The following COPZ2 variants were observed in gnomAD, a reference collection of about 807,000 sequenced individuals.
COPZ2 encodes the protein coatomer subunit zeta-2.
A neutral mutation model predicts 33.2 loss-of-function variants in COPZ2; 30 were observed. The ratio of observed to expected loss-of-function variants is 0.90; its 90% confidence interval spans 0.68 to 1.23. The LOEUF (loss-of-function observed/expected upper bound fraction) is 1.23, where lower values mean the gene tolerates loss of function less well. COPZ2 is among the 50% of genes most tolerant of loss of function. The pLI, the probability that COPZ2 is intolerant of heterozygous loss-of-function variation, is 0.00. For synonymous variants in COPZ2, 89 were observed against 102.6 expected, an observed-to-expected ratio of 0.87 and a Z score of 0.80; for missense variants, 263 against 262.4, an observed-to-expected ratio of 1.00 and a Z score of -0.02.
At chr17:48,035,687 G>A (rs906298280) in intron 2 of COPZ2, among the ~76,000 whole-genome samples, 9 of 151,988 alleles carry the variant, frequency 5.9e-5, no homozygotes, top group Middle Eastern at 3.4e-3. Flanking sequence ...GCCTCCCAAA[G>A]TACTGGGATT....
chr17:48,032,148 C>T lies in COPZ2; in HGVS notation c.494+8G>A. The T allele has an allele frequency of 6.2e-7, 1 of 1,611,430 alleles. No individual in the cohort carries two copies. The highest frequency in any genetic ancestry group is 8.5e-7 in the Non-Finnish European group (1 of 1,178,560). ...TGCTGTGAGTGTCCCTGACTGTCCC[C>T]TCCTCACCCGCCATCCACAATCTCG... On this transcript the variant is annotated splice_region_variant and intron_variant, in intron 6 of 8. Coordinates refer to ENST00000621465, the MANE Select transcript of COPZ2 (RefSeq NM_016429.4).
chr17:48,033,370 G>T, intron 3 of COPZ2, 68 bp from the exon 4 acceptor site: 1 of 858,346 alleles, frequency 1.2e-6, no homozygotes, highest in Non-Finnish European at 2.0e-6. Flanking sequence ...TCCTCCTCAT[G>T]TATGACTCTG....
chr17:48,029,056 T>C, intron 7 of COPZ2, 69 bp downstream of exon 7: 1 of 1,426,330 alleles, frequency 7.0e-7, no homozygotes, highest in Non-Finnish European at 9.7e-7. Context: ...ATCTAGGCCC[T>C]AGCAGCCCTA....
At chr17:48,042,121 G>A (rs1567745869), upstream of COPZ2, among the ~76,000 whole-genome samples, 1 of 151,958 alleles carries the variant, frequency 6.6e-6, no homozygotes, top group Non-Finnish European at 1.5e-5. Flanking sequence ...CACTGTTGTT[G>A]CTTTTTCTTT....
chr17:48,033,661 T>C (rs1483008092), intron 3 of COPZ2, among the ~76,000 whole-genome samples: 2 of 151,780 alleles, frequency 1.3e-5, no homozygotes, highest in Non-Finnish European at 2.9e-5. Flanking sequence ...GGTTGGGTAG[T>C]TGGGGGAACT....
intron 6 of COPZ2, chr17:48,029,434 C>T (rs1567739764): frequency 1.7e-6 from 1 of 579,966 alleles, no homozygotes; most frequent in African/African-American, 1.9e-5. Flanking sequence ...TGGATAAGAA[C>T]AGTCTGGTCT....
chr17:48,026,607 G>T lies in COPZ2; in HGVS notation c.586-132C>A, dbSNP rs1598254568. Reference sequence around the variant, plus strand: ...ACCGGTCACTAGGTGGCAGCAGCTTGTCTCCACTTGGCTTAAACGCGGCCA... The same window carrying T: ...ACCGGTCACTAGGTGGCAGCAGCTTTTCTCCACTTGGCTTAAACGCGGCCA... On this transcript the variant is annotated intron_variant, in intron 8 of 8. Transcript: ENST00000621465. 1.4e-5 allele frequency: 9 copies of T among 659,956 alleles called. No homozygotes were observed. The East Asian group carries it at 2.4e-4, about 18-fold the overall frequency. The allele number at this position is 659,956 out of a possible 1,614,324, so 40.9% of individuals were successfully genotyped here. A position where few individuals can be genotyped will look rare whatever the true frequency, so the allele number is the denominator to read the frequency against.
chr17:48,032,963 TAAG>T (rs1272089009), intron 4 of COPZ2: 1 of 596,854 alleles, frequency 1.7e-6, no homozygotes, highest in Admixed American at 2.9e-5. Flanking sequence ...TAGTTATGTT[TAAG>T]AAGGACAAAG....
chr17:48,034,031 G>T, intron 2 of COPZ2, 87 bp from the exon 3 acceptor site: 3 of 896,082 alleles, frequency 3.3e-6, no homozygotes, highest in Non-Finnish European at 5.4e-6. Context: ...AGTAGGCGCT[G>T]GGCAAGCGGG....
Position 48,033,737 on chromosome 17 carries a change from CA to C in COPZ2, c.268+125del, listed in dbSNP as rs1473689310. 5 of 731,734 alleles carry C rather than the reference CA, an allele frequency of 6.8e-6. No individual in the cohort carries two copies. In the African/African-American group the frequency reaches 8.7e-5, roughly 13 times the overall value. 45.3% of individuals were successfully genotyped at this position (731,734 alleles called of 1,614,324 possible). ...TGGAGAACAGCAGGGAAGGAGAGGA[CA>C]AAAAGCCTCTGAAGAAAGGGAAATG... On this transcript the variant is annotated intron_variant, in intron 3 of 8. Transcript: ENST00000621465.
chr17:48,033,012 G>T (rs2036917037), intron 4 of COPZ2, 199 bp downstream of exon 4: 4 of 597,060 alleles, frequency 6.7e-6, no homozygotes, highest in South Asian at 4.1e-5. Flanking sequence ...TTCATTCCTG[G>T]TTCCCAAGGA....
chr17:48,032,604 A>C, intron 5 of COPZ2, 82 bp downstream of exon 5: 1 of 1,130,802 alleles, frequency 8.8e-7, no homozygotes, highest in Non-Finnish European at 1.3e-6. Context: ...TGGGGACTTC[A>C]GGAGAAAAAC....
rs757250377 is a variant in COPZ2, at chr17:48,032,152, T to A, written c.494+4A>T. On this transcript the variant is annotated splice_donor_region_variant and intron_variant, in intron 6 of 8. Coordinates refer to ENST00000621465, the MANE Select transcript of COPZ2 (RefSeq NM_016429.4). ...GTGAGTGTCCCTGACTGTCCCCTCC[T>A]CACCCGCCATCCACAATCTCGTCCA... is the stretch of plus-strand genomic sequence containing the variant. The A allele has an allele frequency of 3.7e-6, 6 of 1,612,020 alleles. No homozygotes were observed. Among genetic ancestry groups the A allele is most frequent in the Non-Finnish European group, 5.1e-6 (6 of 1,179,040 alleles).
In COPZ2 at chr17:48,037,145, C is replaced by T; in HGVS notation, c.112-220G>A. 1.3e-6 allele frequency: 1 copy of T among 763,230 alleles called. No homozygotes were observed. Among genetic ancestry groups the T allele is most frequent in the Middle Eastern group, 2.3e-4 (1 of 4,318 alleles). 47.3% of individuals were successfully genotyped at this position (763,230 alleles called of 1,614,324 possible). On this transcript the variant is annotated intron_variant, in intron 1 of 8. Transcript: ENST00000621465. This position sits in a 1 kb window ranked among gnomAD's most constrained non-coding sequence, Gnocchi z 5.6. ...CTGCAGGCCCCGAGTGGGCGCTGTG[C>T]CCGTTGGGTGCAGAAGGTCCTTCCG...
intron 6 of COPZ2, among the ~76,000 whole-genome samples, chr17:48,030,425 A>G (rs2144297762): frequency 6.6e-6 from 1 of 152,322 alleles, no homozygotes; most frequent in Middle Eastern, 3.4e-3. Flanking sequence ...GGGGTTATGT[A>G]CAGGGTACAT....
chr17:48,044,384 G>C, the COPZ2 span, among the ~76,000 whole-genome samples: 2 of 137,430 alleles, frequency 1.5e-5, no homozygotes, highest in Non-Finnish European at 3.1e-5. Context: ...CTGTGTTCCC[G>C]TATTACCACA....
chr17:48,043,637 A>T, the COPZ2 span: 25 of 857,350 alleles, frequency 2.9e-5, no homozygotes, highest in Admixed American at 1.2e-4. Context: ...ATAAAGTTGT[A>T]GGGTGGGTGG....
chr17:48,032,866 C>A (rs906019060), intron 4 of COPZ2, 125 bp from the exon 5 acceptor site: 7 of 743,182 alleles, frequency 9.4e-6, no homozygotes, highest in African/African-American at 8.8e-5. Context: ...TGGAGACTGA[C>A]TGCGGTGTGA....
chr17:48,033,742 A>T (rs2036935261), intron 3 of COPZ2, 121 bp downstream of exon 3: 10 of 750,864 alleles, frequency 1.3e-5, no homozygotes, highest in Non-Finnish European at 2.3e-5. Flanking sequence ...GAGGACAAAA[A>T]GCCTCTGAAG....
Sources: gnomAD v4.1 joint callset for allele counts (sites outside exome capture counted in the v4.1 genomes callset) on GRCh38, gnomAD v4.1.1 for gene constraint, Gnocchi (gnomAD v3.1) non-coding constraint, MANE v1.5 for transcripts, NCBI Gene and HGNC (gene_info 2026-07-23, HGNC 2026-07-21) for gene names.